The following ST7 variants were observed in gnomAD, a reference collection of about 807,000 sequenced individuals.
ST7 encodes the protein suppressor of tumorigenicity 7 protein.
A neutral mutation model predicts 78.7 loss-of-function variants in ST7; 28 were observed. The observed-to-expected ratio is 0.36, with a 90% CI of 0.26 to 0.49. The LOEUF (loss-of-function observed/expected upper bound fraction) is 0.49. ST7 is among the 20% of genes least tolerant of loss of function. The pLI is 0.99. For synonymous variants in ST7, 247 were observed against 249.6 expected, an observed-to-expected ratio of 0.99 and a Z score of 0.10; for missense variants, 418 against 696.0, an observed-to-expected ratio of 0.60 and a Z score of 4.49.
chr7:117,071,658 G>A (rs1798969658), intron 1 of ST7, among the ~76,000 whole-genome samples: 1 of 152,212 alleles, frequency 6.6e-6, no homozygotes, highest in African/African-American at 2.4e-5. Flanking sequence ...AACTGACAAG[G>A]TGGCTTAGGG....
intron 1 of ST7, among the ~76,000 whole-genome samples, chr7:116,992,582 T>C (rs975778007): frequency 2.0e-5 from 3 of 152,150 alleles, no homozygotes; most frequent in Non-Finnish European, 2.9e-5. Context: ...CTCCTAGACC[T>C]CCAGGTCTGT....
chr7:116,999,485 G>T (rs1384559566), intron 1 of ST7, among the ~76,000 whole-genome samples: 1 of 152,196 alleles, frequency 6.6e-6, no homozygotes, highest in Non-Finnish European at 1.5e-5. Flanking sequence ...AAATGGAACA[G>T]CTCTGAATTT....
At chr7:117,198,591 A>T in intron 12 of ST7, 1 of 264,024 alleles carries the variant, frequency 3.8e-6, no homozygotes, top group South Asian at 3.9e-5. Flanking sequence ...CCTGTGTCTT[A>T]TATTCTTGTT....
intron 10 of ST7, among the ~76,000 whole-genome samples, chr7:117,180,041 A>C (rs1330930599): frequency 2.6e-5 from 4 of 152,228 alleles, no homozygotes; most frequent in Non-Finnish European, 2.9e-5. Flanking sequence ...TTAAGCAACA[A>C]ATGGGAATCC....
intron 1 of ST7, among the ~76,000 whole-genome samples, chr7:116,971,756 A>G (rs1189367338): frequency 2.6e-5 from 4 of 152,154 alleles, no homozygotes; most frequent in East Asian, 1.9e-4. Context: ...GGAGCGGGCA[A>G]TATGCATTAA....
chr7:117,136,361 GTTT>G (rs1309796806), intron 8 of ST7, 126 bp downstream of exon 8: 1 of 1,188,144 alleles, frequency 8.4e-7, no homozygotes, highest in South Asian at 1.4e-5. Flanking sequence ...CTTTTGCTTT[GTTT>G]TTATTAATTT....
At chr7:117,158,079 T>C (rs1277033151) in intron 9 of ST7, among the ~76,000 whole-genome samples, 3 of 152,142 alleles carry the variant, frequency 2.0e-5, no homozygotes, top group African/African-American at 7.2e-5. Flanking sequence ...TACAGAAATT[T>C]CCTCCCTAAT....
At chr7:117,108,304 A>T (rs1802141840) in intron 2 of ST7, among the ~76,000 whole-genome samples, 1 of 152,110 alleles carries the variant, frequency 6.6e-6, no homozygotes, top group Non-Finnish European at 1.5e-5. Context: ...ATTCTTACTC[A>T]TGTGACTTGC....
intron 2 of ST7, among the ~76,000 whole-genome samples, chr7:117,102,259 G>A (rs903309512): frequency 1.3e-5 from 2 of 152,196 alleles, no homozygotes; most frequent in Admixed American, 6.5e-5. Context: ...CTTCACATTT[G>A]TCGGGGCGGG....
chr7:116,966,249 T>C, intron 1 of ST7: 1 of 162,420 alleles, frequency 6.2e-6, no homozygotes, highest in Non-Finnish European at 1.4e-5. Flanking sequence ...TTTTCTTTCT[T>C]TTTTTTTTTT....
chr7:116,970,087 TAAAAC>T (rs963417085), intron 1 of ST7, among the ~76,000 whole-genome samples: 8 of 151,586 alleles, frequency 5.3e-5, no homozygotes, highest in East Asian at 3.9e-4. Flanking sequence ...AAAAACAAAA[TAAAAC>T]AAAACAAAAC....
chr7:117,119,629 G>A lies in ST7; in HGVS notation c.303G>A (p.Leu101=), dbSNP rs771222716. 23 of 1,613,736 alleles carry A rather than the reference G, an allele frequency of 1.4e-5. No individual in the cohort carries two copies. The highest frequency in any genetic ancestry group is 1.9e-5 in the Non-Finnish European group (23 of 1,179,998). Residue 101 remains leucine (L), a synonymous_variant, in exon 3 of 16, where the codon TTG becomes TTA. Coordinates refer to ENST00000323984, the MANE Select transcript of ST7 (RefSeq NM_001369598.1). ...TTGAACAAGTCTCAGTAAGCCACTT[G>A]CGCCCCCTTCTGGGAGGGGTTGACA... ...SFIEQVSVSH[L]RPLLGGVDNN...
intron 9 of ST7, among the ~76,000 whole-genome samples, chr7:117,155,863 G>A (rs1806649923): frequency 6.6e-6 from 1 of 152,180 alleles, no homozygotes. Flanking sequence ...CTCCAGCCAT[G>A]CTGGCCTTCT....
chr7:117,106,051 T>G (rs1308222355), intron 2 of ST7, among the ~76,000 whole-genome samples: 1 of 152,100 alleles, frequency 6.6e-6, no homozygotes, highest in African/African-American at 2.4e-5. Context: ...GACTGCGGAC[T>G]GCAGTGGCGC....
At chr7:117,156,128 A>G (rs563189136) in intron 9 of ST7, among the ~76,000 whole-genome samples, 18 of 152,262 alleles carry the variant, frequency 1.2e-4, no homozygotes, top group African/African-American at 4.1e-4. Context: ...CTGACAGTCT[A>G]TGGATTTTAT....
intron 12 of ST7, among the ~76,000 whole-genome samples, chr7:117,194,837 A>G (rs998753413): frequency 6.6e-6 from 1 of 152,312 alleles, no homozygotes; most frequent in East Asian, 1.9e-4. Flanking sequence ...AGACATTTCT[A>G]TCAGTGACCC....
chr7:117,230,026 C>T lies in ST7; in HGVS notation c.*169C>T, dbSNP rs1427682295. On this transcript the variant is annotated 3_prime_UTR_variant, in exon 16 of 16. Transcript: ENST00000323984. Reference sequence around the variant, plus strand: ...AAAGCTGTTTTTGTTGTACAAAATTCACTGATGTTCAGTTCTATTTTATTT... The same window carrying T: ...AAAGCTGTTTTTGTTGTACAAAATTTACTGATGTTCAGTTCTATTTTATTT... 4 of 744,822 alleles carry T rather than the reference C, an allele frequency of 5.4e-6. No homozygotes were observed. Among genetic ancestry groups the T allele is most frequent in the Non-Finnish European group, 9.8e-6 (4 of 406,556 alleles). 46.1% of individuals were successfully genotyped at this position (744,822 alleles called of 1,614,324 possible). A position where few individuals can be genotyped will look rare whatever the true frequency, so the allele number is the denominator to read the frequency against.
At chr7:116,972,037 G>A in intron 1 of ST7, 1 of 461,092 alleles carries the variant, frequency 2.2e-6, no homozygotes, top group South Asian at 1.8e-5. Flanking sequence ...GGAGGAGCGG[G>A]AGGCAAAAGC....
chr7:117,079,950 T>C (rs962282348), intron 1 of ST7, among the ~76,000 whole-genome samples: 2 of 150,854 alleles, frequency 1.3e-5, no homozygotes, highest in East Asian at 1.9e-4. Context: ...TTGAGCACTA[T>C]TGGAATGTTT....
Sources: gnomAD v4.1 joint callset for allele counts (sites outside exome capture counted in the v4.1 genomes callset) on GRCh38, gnomAD v4.1.1 for gene constraint, MANE v1.5 for transcripts, NCBI Gene and HGNC (gene_info 2026-07-23, HGNC 2026-07-21) for gene names.